Variants in TNRC6C observed in about 807,000 individuals in gnomAD.
TNRC6C encodes the protein trinucleotide repeat-containing gene 6C protein.
In TNRC6C, 20 loss-of-function variants were observed where a neutral mutation model predicts 153.7. The ratio of observed to expected loss-of-function variants is 0.13; its 90% CI spans 0.09 to 0.19. The LOEUF (loss-of-function observed/expected upper bound fraction) is 0.19, where lower values mean the gene tolerates loss of function less well. Ranked by LOEUF, TNRC6C falls within the 10% of genes least tolerant of loss-of-function variation. TNRC6C has a pLI of 1.00. For synonymous variants in TNRC6C, 811 were observed against 841.4 expected, an observed-to-expected ratio of 0.96 and a Z score of 0.63; for missense variants, 1,987 against 2,172.0, an observed-to-expected ratio of 0.91 and a Z score of 1.69.
In TNRC6C at chr17:78,049,018, A is replaced by T. The variant is rs372047679; in HGVS notation, c.-45A>T. On this transcript the variant is annotated 5_prime_UTR_variant, in exon 3 of 20. Coordinates refer to ENST00000301624, the Ensembl canonical transcript of TNRC6C. This position sits in a 1 kb window ranked among gnomAD's most constrained non-coding sequence, Gnocchi z 4.1. Reference sequence around the variant, plus strand: ...GACTGAATCTGCCTCAGAATGTACTACAGACACTGACTCTGCCTCCAACTG... The same window carrying T: ...GACTGAATCTGCCTCAGAATGTACTTCAGACACTGACTCTGCCTCCAACTG... 2.3e-5 allele frequency: 34 copies of T among 1,463,898 alleles called. 1 individual carries two copies. The African/African-American group carries it at 3.5e-4, about 15-fold the overall frequency. The allele number at this position is 1,463,898 out of a possible 1,614,324, so 90.7% of individuals were successfully genotyped here. A position where few individuals can be genotyped will look rare whatever the true frequency, so the allele number is the denominator to read the frequency against.
chr17:78,022,434 A>G (rs1199882584), intron 1 of TNRC6C, among the ~76,000 whole-genome samples: 6 of 152,212 alleles, frequency 3.9e-5, no homozygotes, highest in Admixed American at 2.6e-4. Flanking sequence ...TGTAGCATGA[A>G]CTCCTTTTCC....
intron 1 of TNRC6C, among the ~76,000 whole-genome samples, chr17:78,029,785 C>G (rs1196546171): frequency 1.3e-5 from 2 of 148,914 alleles, no homozygotes; most frequent in Non-Finnish European, 1.5e-5. Context: ...TTTTTTTTAA[C>G]TTTTAAACTT....
At chr17:78,093,571 A>G (rs771854238) in intron 15 of TNRC6C, 49 bp from the exon 18 acceptor site, 11 of 1,597,764 alleles carry the variant, frequency 6.9e-6, no homozygotes, top group East Asian at 4.5e-5. Context: ...TCGTGAATCA[A>G]TGTGCCGGTG....
chr17:78,090,685 AACCAGGT>A (rs1354311476), intron 13 of TNRC6C, among the ~76,000 whole-genome samples: 2 of 152,206 alleles, frequency 1.3e-5, no homozygotes, highest in African/African-American at 4.8e-5. Context: ...CTGGACAAAT[AACCAGGT>A]ACCTGCTTTT....
At chr17:78,083,263 G>A (rs1003238244) in intron 11 of TNRC6C, 97 bp downstream of exon 13, 82 of 1,503,170 alleles carry the variant, frequency 5.5e-5, no homozygotes, top group Middle Eastern at 1.7e-4. Context: ...TTGTCTTCAC[G>A]TCAGGGATGT....
chr17:78,012,390 C>T (rs1326000248), intron 1 of TNRC6C, among the ~76,000 whole-genome samples: 4 of 152,028 alleles, frequency 2.6e-5, no homozygotes, highest in Admixed American at 2.6e-4. Context: ...CAGTGTTGGG[C>T]ACTGGGTTTC....
exon 3 of TNRC6C, chr17:78,050,909 G>C (rs771527790): frequency 6.2e-7 from 1 of 1,613,996 alleles, no homozygotes; most frequent in Non-Finnish European, 8.5e-7. Context: ...AAAAAAAATG[G>C]ATCTGGATGG....
intron 13 of TNRC6C, among the ~76,000 whole-genome samples, chr17:78,090,665 A>T (rs1200122372): frequency 6.6e-6 from 1 of 152,218 alleles, no homozygotes; most frequent in South Asian, 2.1e-4. Flanking sequence ...AACCTAGCTT[A>T]GTGCAGGTCC....
intron 3 of TNRC6C, 146 bp from the exon 6 acceptor site, chr17:78,064,576 A>G (rs2072834499): frequency 1.3e-6 from 1 of 742,636 alleles, no homozygotes; most frequent in Admixed American, 2.7e-5. Flanking sequence ...TACATGTAAT[A>G]CATTTGCCTC....
In TNRC6C at chr17:78,038,923, G is replaced by A. The variant is rs187180954; in HGVS notation, c.-219+7081G>A. 9.9e-5 allele frequency among the ~76,000 whole-genome samples: 15 copies of A among 152,212 alleles called. No homozygotes were observed. The East Asian group carries it at 2.9e-3, about 29-fold the overall frequency. On this transcript the variant is annotated intron_variant, in intron 2 of 19. Coordinates refer to ENST00000301624, the Ensembl canonical transcript of TNRC6C. Reference sequence around the variant, plus strand: ...ATCACCGCAGGCGACCAGCGAGAGTGTGGGAAAAGGCGACGCTGGTGTGCT... The same window carrying A: ...ATCACCGCAGGCGACCAGCGAGAGTATGGGAAAAGGCGACGCTGGTGTGCT...
rs923742121 is a variant in TNRC6C at position 78,103,648 on chromosome 17, T to C, written c.4712+95T>C. The C allele has an allele frequency of 4.2e-5, 64 of 1,520,082 alleles. 1 individual carries two copies. Among genetic ancestry groups the C allele is most frequent in the Middle Eastern group, 2.3e-4 (1 of 4,276 alleles). 94.2% of individuals were successfully genotyped at this position (1,520,082 alleles called of 1,614,324 possible). On this transcript the variant is annotated intron_variant, in intron 19 of 19. Transcript: ENST00000301624. ...GTTGCAGGGGTGTCCTGAGCCACCA[T>C]AGCAGAATCCCACAGGCTGGCCACC...
At chr17:77,960,122 G>A (rs997099006) in intron 1 of TNRC6C, among the ~76,000 whole-genome samples, 16 of 152,150 alleles carry the variant, frequency 1.1e-4, no homozygotes, top group African/African-American at 3.6e-4. Flanking sequence ...GGCATTTGAC[G>A]GTATTGGTGA....
At chr17:78,053,839 C>G (rs1236729318) in intron 3 of TNRC6C, among the ~76,000 whole-genome samples, 1 of 152,024 alleles carries the variant, frequency 6.6e-6, no homozygotes, top group African/African-American at 2.4e-5. Context: ...CAAAGCCTGC[C>G]TGGGCAACAT....
chr17:78,029,327 A>G (rs1328516082), intron 1 of TNRC6C, among the ~76,000 whole-genome samples: 1 of 152,210 alleles, frequency 6.6e-6, no homozygotes, highest in Non-Finnish European at 1.5e-5. Flanking sequence ...CTACTCACCT[A>G]TGCCATGTGA....
intron 1 of TNRC6C, among the ~76,000 whole-genome samples, chr17:78,014,272 T>G (rs2071689250): frequency 6.6e-6 from 1 of 152,206 alleles, no homozygotes; most frequent in African/African-American, 2.4e-5. Context: ...ACTGACAAGC[T>G]CTACACCCAG....
At chr17:78,013,165 G>A (rs1332810664) in intron 1 of TNRC6C, among the ~76,000 whole-genome samples, 3 of 152,200 alleles carry the variant, frequency 2.0e-5, no homozygotes, top group Non-Finnish European at 4.4e-5. Flanking sequence ...TGGAAGGTGG[G>A]AAGCTAGCTC....
At chr17:77,964,682 A>T (rs528135208) in intron 1 of TNRC6C, among the ~76,000 whole-genome samples, 6 of 152,222 alleles carry the variant, frequency 3.9e-5, no homozygotes, top group African/African-American at 1.4e-4. Flanking sequence ...GGAAATGGCA[A>T]CGCGGGCACA....
intron 1 of TNRC6C, among the ~76,000 whole-genome samples, chr17:77,970,303 T>G (rs2070930602): frequency 6.6e-6 from 1 of 152,182 alleles, no homozygotes; most frequent in Non-Finnish European, 1.5e-5. Context: ...TGGAGTGCAG[T>G]GGTACAGTCA....
exon 20 of TNRC6C, chr17:78,107,514 G>A (rs528737056): frequency 1.3e-5 from 2 of 152,288 alleles, no homozygotes; most frequent in East Asian, 3.9e-4. Flanking sequence ...TACTTTGCAC[G>A]CTGCGATTGG....
Sources: gnomAD v4.1 joint callset for allele counts (sites outside exome capture counted in the v4.1 genomes callset) on GRCh38, gnomAD v4.1.1 for gene constraint, Gnocchi (gnomAD v3.1) non-coding constraint, MANE v1.5 for transcripts, NCBI Gene and HGNC (gene_info 2026-07-23, HGNC 2026-07-21) for gene names.